CNBD1: variants seen among roughly 807,000 people sequenced by gnomAD.
CNBD1 encodes the protein cyclic nucleotide binding domain containing 1.
Under a neutral mutation model 54.4 loss-of-function variants are expected in CNBD1, and 71 were observed. That is an observed-to-expected ratio of 1.30 (90% CI 1.08 to 1.59). The LOEUF (loss-of-function observed/expected upper bound fraction) is 1.59, where lower values mean the gene tolerates loss of function less well. Among genes scored for constraint, CNBD1 ranks in the 40% most tolerant of loss-of-function variants. CNBD1 has a pLI of 0.00. For synonymous variants in CNBD1, 182 were observed against 170.7 expected, an observed-to-expected ratio of 1.07 and a Z score of -0.51; for missense variants, 659 against 518.0, an observed-to-expected ratio of 1.27 and a Z score of -2.64.
Position 87,241,268 on chromosome 8 carries a change from A to ATTTTTTTT in CNBD1, c.771+4172_771+4179dup, listed in dbSNP as rs34829455. Reference sequence around the variant, plus strand: ...GGGCACAAAAATCTGTATTTGGAAGATTTTTTTTTTTTTTTTTTTTTTTGA... The same window carrying ATTTTTTTT: ...GGGCACAAAAATCTGTATTTGGAAGATTTTTTTTTTTTTTTTTTTTTTTTTTTTTTTGA... On this transcript the variant is annotated intron_variant, in intron 6 of 10. Coordinates refer to ENST00000518476, the MANE Select transcript of CNBD1 (RefSeq NM_173538.3). Among the ~76,000 whole-genome samples, 72 of 93,858 alleles carry ATTTTTTTT rather than the reference A, an allele frequency of 7.7e-4. 1 individual carries two copies. The highest frequency in any genetic ancestry group is 3.1e-3 in the African/African-American group (64 of 20,510). 61.6% of individuals were successfully genotyped at this position (93,858 alleles called of 152,430 possible).
intron 4 of CNBD1, among the ~76,000 whole-genome samples, chr8:87,089,939 G>A (rs2130677744): frequency 6.6e-6 from 1 of 152,142 alleles, no homozygotes; most frequent in African/African-American, 2.4e-5. Flanking sequence ...TATATGAATA[G>A]GGAATTCAGG....
At chr8:87,249,241 G>T (rs997450997) in intron 6 of CNBD1, among the ~76,000 whole-genome samples, 1 of 152,074 alleles carries the variant, frequency 6.6e-6, no homozygotes, top group Non-Finnish European at 1.5e-5. Context: ...TTCACAATAG[G>T]GTTCATGCTC....
At chr8:87,356,318 A>T (rs1256106089) in intron 10 of CNBD1, among the ~76,000 whole-genome samples, 1 of 152,200 alleles carries the variant, frequency 6.6e-6, no homozygotes, top group African/African-American at 2.4e-5. Flanking sequence ...AAAGTTTGAA[A>T]CTACTTAGGA....
chr8:87,341,316 T>C (rs886925170), intron 8 of CNBD1, among the ~76,000 whole-genome samples: 1 of 152,070 alleles, frequency 6.6e-6, no homozygotes, highest in African/African-American at 2.4e-5. Flanking sequence ...CTGAGAGAGA[T>C]GAGACAATGT....
At chr8:87,152,605 C>G (rs1441715179) in intron 4 of CNBD1, among the ~76,000 whole-genome samples, 1 of 152,046 alleles carries the variant, frequency 6.6e-6, no homozygotes, top group African/African-American at 2.4e-5. Flanking sequence ...TGAGAGGGCT[C>G]TAGACTGAAA....
At chr8:87,384,457 C>A (rs1811145537), downstream of CNBD1, among the ~76,000 whole-genome samples, 1 of 151,896 alleles carries the variant, frequency 6.6e-6, no homozygotes, top group South Asian at 2.1e-4. Context: ...AAAAGCAGAT[C>A]AGAAATTAAA....
At position 86,870,002 on chromosome 8, in the gene CNBD1, T is replaced by C. The variant is rs920260732; in HGVS notation, c.88+3419T>C. Among the ~76,000 whole-genome samples, 4 of 151,970 alleles carry C rather than the reference T, an allele frequency of 2.6e-5. No homozygotes were observed. The East Asian group carries it at 7.7e-4, about 29-fold the overall frequency. On this transcript the variant is annotated intron_variant, in intron 1 of 10. Coordinates refer to ENST00000518476, the MANE Select transcript of CNBD1 (RefSeq NM_173538.3). ...CTGAGGAAGAATGGGTTTAAAAATA[T>C]GCTTTACATTTTGACTACTGGTTGA... is the stretch of plus-strand genomic sequence containing the variant.
chr8:87,023,576 T>C (rs930262830), intron 4 of CNBD1, among the ~76,000 whole-genome samples: 1 of 152,204 alleles, frequency 6.6e-6, no homozygotes, highest in Non-Finnish European at 1.5e-5. Flanking sequence ...ATACTACTAA[T>C]TTTTCCAAAT....
At chr8:87,012,600 C>A (rs1029582006) in intron 4 of CNBD1, among the ~76,000 whole-genome samples, 4 of 152,166 alleles carry the variant, frequency 2.6e-5, no homozygotes, top group Admixed American at 2.0e-4. Flanking sequence ...GAGCCAGTCA[C>A]CCTTTTAAGT....
intron 4 of CNBD1, among the ~76,000 whole-genome samples, chr8:87,083,581 ATTTCTTTT>A (rs964680289): frequency 3.9e-5 from 5 of 129,422 alleles, no homozygotes; most frequent in African/African-American, 1.5e-4. Flanking sequence ...AAACCAATGT[ATTTCTTTT>A]TTTTTTTTTT....
At chr8:86,934,050 A>G (rs988053018) in intron 3 of CNBD1, among the ~76,000 whole-genome samples, 1 of 152,144 alleles carries the variant, frequency 6.6e-6, no homozygotes, top group Non-Finnish European at 1.5e-5. Context: ...ATAGAAGTTT[A>G]TTTTACAGGA....
At position 87,309,015 on chromosome 8, in the gene CNBD1, A is replaced by G. The variant is rs542682940; in HGVS notation, c.1042+22344A>G. ...CTTGATGGACATTTACATAGATTCC[A>G]TAACTTGGCTATTGTGAATAGTGCT... On this transcript the variant is annotated intron_variant, in intron 8 of 10. Transcript: ENST00000518476. 1.2e-3 allele frequency among the ~76,000 whole-genome samples: 183 copies of G among 152,262 alleles called. 1 individual carries two copies. Among genetic ancestry groups the G allele is most frequent in the African/African-American group, 3.9e-3 (162 of 41,576 alleles).
intron 8 of CNBD1, among the ~76,000 whole-genome samples, chr8:87,349,165 G>A (rs771017922): frequency 2.6e-5 from 4 of 151,894 alleles, no homozygotes; most frequent in African/African-American, 9.7e-5. Flanking sequence ...GCAGATCATC[G>A]TATGTTATTT....
intron 10 of CNBD1, among the ~76,000 whole-genome samples, chr8:87,372,706 T>A (rs561922254): frequency 6.6e-6 from 1 of 152,046 alleles, no homozygotes; most frequent in East Asian, 1.9e-4. Flanking sequence ...TATCAATGAT[T>A]ATTAAAATTC....
rs79694881 is a variant in CNBD1, at chr8:86,939,757, A to G, written c.431+3A>G. 5,941 of 1,488,966 alleles carry G rather than the reference A, an allele frequency of 4.0e-3. 204 individuals carry two copies. In the African/African-American group the frequency reaches 0.074, roughly 19 times the overall value. The allele number at this position is 1,488,966 out of a possible 1,614,324, so 92.2% of individuals were successfully genotyped here. A position where few individuals can be genotyped will look rare whatever the true frequency, so the allele number is the denominator to read the frequency against. On this transcript the variant is annotated splice_donor_region_variant and intron_variant, in intron 4 of 10. Coordinates refer to ENST00000518476, the MANE Select transcript of CNBD1 (RefSeq NM_173538.3). ...TTCCTAGCTATCTTAAAGAAATTGT[A>G]AGTATTTAAAATATATTCCTTCTTC... is the stretch of plus-strand genomic sequence containing the variant.
In CNBD1 at chr8:86,866,518, C is replaced by A; in HGVS notation, c.23C>A (p.Ala8Glu). ...AAGATGCCGATGTCTTCTCTTCCAGCAGCTATTTTGTCTCACATGACAGCT... is the reference window on the plus strand; with the variant it reads ...AAGATGCCGATGTCTTCTCTTCCAGAAGCTATTTTGTCTCACATGACAGCT... MPMSSLPAAILSHMTAIN... is the reference protein window; with the variant it reads MPMSSLPEAILSHMTAIN... Residue 8 changes from alanine (A) to glutamate (E), a missense_variant, in exon 1 of 11, where the codon GCA becomes GAA. Ala to Glu is a moderately radical substitution (Grantham distance 107, BLOSUM62 -1). Transcript: ENST00000518476. 1.9e-6 allele frequency: 3 copies of A among 1,612,046 alleles called. No individual in the cohort carries two copies. The highest frequency in any genetic ancestry group is 2.5e-6 in the Non-Finnish European group (3 of 1,179,112).
chr8:86,981,693 C>T (rs1330482673), intron 4 of CNBD1, among the ~76,000 whole-genome samples: 1 of 152,120 alleles, frequency 6.6e-6, no homozygotes, highest in Non-Finnish European at 1.5e-5. Context: ...TCATTTTAAT[C>T]ATAATATTTA....
At chr8:87,128,173 A>G (rs374238339) in intron 4 of CNBD1, among the ~76,000 whole-genome samples, 6 of 152,166 alleles carry the variant, frequency 3.9e-5, no homozygotes, top group African/African-American at 1.4e-4. Context: ...TCCTTCAAGT[A>G]TGTGTGTGAC....
At chr8:87,426,094 A>G (rs1808043330) in intron 2 of CNBD1, among the ~76,000 whole-genome samples, 1 of 152,184 alleles carries the variant, frequency 6.6e-6, no homozygotes, top group Non-Finnish European at 1.5e-5. Context: ...GGTGCCGTCC[A>G]TCACCCCTTT....
Sources: allele counts gnomAD v4.1 joint callset (sites outside exome capture counted in the v4.1 genomes callset), GRCh38; gene constraint gnomAD v4.1.1; transcripts MANE v1.5; gene names NCBI Gene and HGNC (gene_info 2026-07-23, HGNC 2026-07-21).